The following SLC35F3 variants were observed in gnomAD, a reference collection of about 807,000 sequenced individuals.
The protein encoded by SLC35F3 is solute carrier family 35 member F3, also known as putative thiamine transporter SLC35F3.
A neutral mutation model predicts 49.9 loss-of-function variants in SLC35F3; 25 were observed. The ratio of observed to expected loss-of-function variants is 0.50; its 90% CI spans 0.37 to 0.70. SLC35F3 has a LOEUF of 0.70. Ranked by LOEUF, SLC35F3 falls within the 30% of genes least tolerant of loss-of-function variation. The probability of loss-of-function intolerance (pLI) is 0.00; values close to 1 mark genes in which losing one functional copy is unlikely to be tolerated. For missense variants in SLC35F3, 525 were observed against 639.8 expected (o/e 0.82, Z 1.94); for synonymous variants, 275 against 265.4 (o/e 1.04, Z -0.35).
chr1:234,307,158 A>G (rs537682878), intron 3 of SLC35F3, among the ~76,000 whole-genome samples: 42 of 152,332 alleles, frequency 2.8e-4, no homozygotes, highest in Admixed American at 5.9e-4. Context: ...TAGCTGGAAT[A>G]TTGTATGAAA....
chr1:234,031,865 C>T (rs1404054345), intron 2 of SLC35F3, among the ~76,000 whole-genome samples: 1 of 152,224 alleles, frequency 6.6e-6, no homozygotes, highest in East Asian at 1.9e-4. Context: ...TCTTTACCAA[C>T]ACTGTCTAGA....
chr1:234,064,915 T>C (rs531419612), intron 2 of SLC35F3, among the ~76,000 whole-genome samples: 1 of 152,268 alleles, frequency 6.6e-6, no homozygotes, highest in East Asian at 1.9e-4. Flanking sequence ...TTCTGAAGGG[T>C]CATGATCAAA....
At chr1:234,273,455 AG>A (rs1431615332) in intron 3 of SLC35F3, among the ~76,000 whole-genome samples, 1 of 152,222 alleles carries the variant, frequency 6.6e-6, no homozygotes, top group Non-Finnish European at 1.5e-5. Flanking sequence ...TATCTGGAGT[AG>A]CCAAGAACTT....
At chr1:233,937,009 G>T (rs1433199195) in intron 2 of SLC35F3, among the ~76,000 whole-genome samples, 1 of 152,082 alleles carries the variant, frequency 6.6e-6, no homozygotes, top group African/African-American at 2.4e-5. Flanking sequence ...CTTCTTACAG[G>T]CTCTGACATT....
chr1:234,277,922 G>A (rs771872868), intron 3 of SLC35F3, among the ~76,000 whole-genome samples: 6 of 152,220 alleles, frequency 3.9e-5, no homozygotes, highest in African/African-American at 7.2e-5. Flanking sequence ...AGCTGGGCGC[G>A]GTGGCTCACG....
intron 2 of SLC35F3, among the ~76,000 whole-genome samples, chr1:234,193,064 T>G (rs557377406): frequency 4.6e-5 from 7 of 152,212 alleles, no homozygotes; most frequent in African/African-American, 1.7e-4. Context: ...ATCAAAATGC[T>G]ACCATCATTC....
chr1:233,945,280 T>G lies in SLC35F3; in HGVS notation c.283+39522T>G, dbSNP rs1008298161. Among the ~76,000 whole-genome samples the G allele has an allele frequency of 2.0e-5, 3 of 152,076 alleles. No homozygotes were observed. In the South Asian group the frequency reaches 6.2e-4, roughly 32 times the overall value. ...AAGGCCAGGCGGCATGCAGCCTCACTTACAGAGCACAGTTGGAAGTCCCCA... is the reference window on the plus strand; with the variant it reads ...AAGGCCAGGCGGCATGCAGCCTCACGTACAGAGCACAGTTGGAAGTCCCCA... On this transcript the variant is annotated intron_variant, in intron 2 of 7. Coordinates refer to ENST00000366618, the MANE Select transcript of SLC35F3 (RefSeq NM_173508.4).
At chr1:233,918,427 A>G (rs924501305) in intron 2 of SLC35F3, among the ~76,000 whole-genome samples, 1 of 152,004 alleles carries the variant, frequency 6.6e-6, no homozygotes, top group Non-Finnish European at 1.5e-5. Context: ...TGTCTGTGTG[A>G]TTTTGGGGGA....
chr1:234,022,021 C>G (rs1379950), intron 2 of SLC35F3, among the ~76,000 whole-genome samples: 2,835 of 152,236 alleles, frequency 0.019, 93 homozygotes, highest in African/African-American at 0.065. Context: ...TTCTGAAAAG[C>G]AAGTCCAGGG....
intron 3 of SLC35F3, among the ~76,000 whole-genome samples, chr1:234,244,835 CT>C (rs1667607804): frequency 6.6e-6 from 1 of 152,040 alleles, no homozygotes. Context: ...CTTTAAAGTC[CT>C]GCTAACTTTT....
At chr1:234,154,672 T>G (rs1267557801) in intron 2 of SLC35F3, among the ~76,000 whole-genome samples, 1 of 152,242 alleles carries the variant, frequency 6.6e-6, no homozygotes, top group African/African-American at 2.4e-5. Flanking sequence ...ATTTTAAAAA[T>G]CAAATACGTG....
chr1:233,922,284 C>A (rs1662075898), intron 2 of SLC35F3, among the ~76,000 whole-genome samples: 1 of 152,086 alleles, frequency 6.6e-6, no homozygotes, highest in Non-Finnish European at 1.5e-5. Context: ...CCTATTTCTC[C>A]ACATCCTCTC....
intron 4 of SLC35F3, among the ~76,000 whole-genome samples, chr1:234,315,662 A>C (rs977771150): frequency 1.1e-4 from 17 of 152,220 alleles, no homozygotes; most frequent in African/African-American, 4.1e-4. Context: ...AGACAGCTGA[A>C]GTTGACTTTG....
chr1:234,092,513 G>C (rs985467306), intron 2 of SLC35F3, among the ~76,000 whole-genome samples: 1 of 152,168 alleles, frequency 6.6e-6, no homozygotes, highest in East Asian at 1.9e-4. Flanking sequence ...AAAAGCCTTG[G>C]CTTGATGCTG....
intron 2 of SLC35F3, among the ~76,000 whole-genome samples, chr1:233,935,990 T>C (rs1662320580): frequency 6.6e-6 from 1 of 152,236 alleles, no homozygotes; most frequent in Non-Finnish European, 1.5e-5. Flanking sequence ...CTTGATGGGC[T>C]CAATAAATAA....
At chr1:233,920,560 C>T (rs1269611675) in intron 2 of SLC35F3, among the ~76,000 whole-genome samples, 1 of 152,216 alleles carries the variant, frequency 6.6e-6, no homozygotes, top group African/African-American at 2.4e-5. Flanking sequence ...CTAAGGTGAG[C>T]ACCAGGTACC....
intron 3 of SLC35F3, among the ~76,000 whole-genome samples, chr1:234,263,248 A>G (rs1434010522): frequency 6.6e-6 from 1 of 152,192 alleles, no homozygotes; most frequent in African/African-American, 2.4e-5. Flanking sequence ...AGGCATATTT[A>G]GGTTCTATTT....
rs752238190 is a variant in SLC35F3, at chr1:234,203,572, G to A, written c.284-27845G>A. Among the ~76,000 whole-genome samples, 98 of 152,152 alleles carry A rather than the reference G, an allele frequency of 6.4e-4. 1 individual carries two copies. Among genetic ancestry groups the A allele is most frequent in the Non-Finnish European group, 6.9e-4 (47 of 68,024 alleles). ...CTAAAAATAGAAAAATTAGCCAGAT[G>A]TGCTGGCATGTGCCTGTAATCCGAG... On this transcript the variant is annotated intron_variant, in intron 2 of 7. Transcript: ENST00000366618.
At chr1:234,025,019 T>C (rs1252487602) in intron 2 of SLC35F3, among the ~76,000 whole-genome samples, 3 of 152,252 alleles carry the variant, frequency 2.0e-5, no homozygotes, top group Admixed American at 6.5e-5. Flanking sequence ...GCCATCTTTA[T>C]GATCGTGTAC....
Sources: gnomAD v4.1 joint callset for allele counts (sites outside exome capture counted in the v4.1 genomes callset) on GRCh38, gnomAD v4.1.1 for gene constraint, MANE v1.5 for transcripts, NCBI Gene and HGNC (gene_info 2026-07-23, HGNC 2026-07-21) for gene names.